The following JAK3 variants were observed in gnomAD, a reference collection of about 807,000 sequenced individuals.
JAK3 encodes the protein tyrosine-protein kinase JAK3.
JAK3 carries 88 observed loss-of-function variants against 120.8 expected under a neutral mutation model. The observed-to-expected ratio is 0.73, with a 90% CI of 0.61 to 0.87. The LOEUF (loss-of-function observed/expected upper bound fraction) is 0.87, where lower values mean the gene tolerates loss of function less well. Ranked by LOEUF, JAK3 falls within the 40% of genes least tolerant of loss-of-function variation. The pLI is 0.00. For synonymous variants in JAK3, 592 were observed against 628.6 expected, an observed-to-expected ratio of 0.94 and a Z score of 0.87; for missense variants, 1,254 against 1,501.4, an observed-to-expected ratio of 0.84 and a Z score of 2.72.
At chr19:17,839,960 CGATCTCTT>C (rs1381665390) in intron 9 of JAK3, among the ~76,000 whole-genome samples, 8 of 151,998 alleles carry the variant, frequency 5.3e-5, no homozygotes, top group Non-Finnish European at 5.9e-5. Flanking sequence ...AGGATGGTTT[CGATCTCTT>C]GATCTCTTGA....
At position 17,827,717 on chromosome 19, in the gene JAK3, T is replaced by TAAAAAAAA. The variant is rs760856974; in HGVS notation, c.3208-815_3208-808dup. Among the ~76,000 whole-genome samples, 35 of 77,678 alleles carry TAAAAAAAA rather than the reference T, an allele frequency of 4.5e-4. 1 individual carries two copies. Among genetic ancestry groups the TAAAAAAAA allele is most frequent in the South Asian group, 8.8e-4 (2 of 2,278 alleles). The allele number at this position is 77,678 out of a possible 152,430, so 51.0% of individuals were successfully genotyped here. ...CAACATGGAGAAACCCCATCTTAAC[T>TAAAAAAAA]AAAAAAAAAAAAAAAAAAAAAAAAA... On this transcript the variant is annotated intron_variant, in intron 23 of 23. Coordinates refer to ENST00000458235, the MANE Select transcript of JAK3 (RefSeq NM_000215.4).
chr19:17,826,674 G>A lies in JAK3; in HGVS notation c.*69C>T. On this transcript the variant is annotated 3_prime_UTR_variant, in exon 24 of 24. Transcript: ENST00000458235. ...CATAAGGCCTCTGAGGCCCAGAGAG[G>A]GGCAGCTCCGGGCCTAAGGTCACAC... 6.4e-7 allele frequency: 1 copy of A among 1,565,414 alleles called. No homozygotes were observed. Among genetic ancestry groups the A allele is most frequent in the Non-Finnish European group, 8.8e-7 (1 of 1,135,950 alleles).
In JAK3 at chr19:17,834,961, C is replaced by G. The variant is rs200849846; in HGVS notation, c.2090G>C (p.Arg697Pro). The G allele has an allele frequency of 6.2e-7, 1 of 1,614,154 alleles. No individual in the cohort carries two copies. The highest frequency in any genetic ancestry group is 1.3e-5 in the African/African-American group (1 of 75,038). Reference sequence around the variant, plus strand: ...TTCCAAGCTAAGTGTCTGCGCCTCCCGGAGACACTCGGGGGCCACCCAGGG... The same window carrying G: ...TTCCAAGCTAAGTGTCTGCGCCTCCGGGAGACACTCGGGGGCCACCCAGGG... ...RIPWVAPECL[R>P]EAQTLSLEAD... is the part of the protein sequence containing the mutation. Residue 697 changes from arginine (R) to proline (P), a missense_variant, in exon 16 of 24, where the codon CGG becomes CCG. Transcript: ENST00000458235.
intron 23 of JAK3, chr19:17,829,776 A>G (rs895554544): frequency 1.3e-5 from 6 of 459,754 alleles, no homozygotes; most frequent in African/African-American, 9.8e-5. Context: ...AGAAAGAAAA[A>G]AAAAAACCAT....
Position 17,843,406 on chromosome 19 carries a change from G to A in JAK3, c.394C>T (p.Pro132Ser). 6.3e-7 allele frequency: 1 copy of A among 1,595,600 alleles called. No individual in the cohort carries two copies. The highest frequency in any genetic ancestry group is 8.5e-7 in the Non-Finnish European group (1 of 1,171,458). The part of the protein sequence containing the change: ...KDLASAILDL[P>S]VLEHLFAQHR... Reference sequence around the variant, plus strand: ...TGGGCAAAGAGGTGCTCCAGGACTGGCAGGTCAAGGATAGCACTGGCCAAA... The same window carrying A: ...TGGGCAAAGAGGTGCTCCAGGACTGACAGGTCAAGGATAGCACTGGCCAAA... The change falls in exon 4 of 24, where the codon CCA (proline) becomes TCA (serine). Residue 132 changes from proline (P) to serine (S), a missense_variant. Physicochemically the swap from Pro to Ser is moderately conservative, Grantham distance 74 (BLOSUM62 -1). Transcript: ENST00000458235. The surrounding 1 kb of genome is among the most constrained non-coding windows in gnomAD (Gnocchi z 5.4).
At chr19:17,839,998 C>A (rs1338956987) in intron 9 of JAK3, among the ~76,000 whole-genome samples, 1 of 152,184 alleles carries the variant, frequency 6.6e-6, no homozygotes, top group East Asian at 1.9e-4. Flanking sequence ...CTCAGCCTCC[C>A]AAAGTGCTGG....
intron 23 of JAK3, among the ~76,000 whole-genome samples, chr19:17,828,369 C>A (rs1232590568): frequency 5.3e-5 from 8 of 152,192 alleles, no homozygotes; most frequent in African/African-American, 1.9e-4. Context: ...AATCCTCCTG[C>A]CTCAGCCTCC....
At position 17,841,499 on chromosome 19, in the gene JAK3, G is replaced by C; in HGVS notation, c.1032C>G (p.Leu344=). The C allele has an allele frequency of 6.4e-7, 1 of 1,573,510 alleles. No homozygotes were observed. Among genetic ancestry groups the C allele is most frequent in the South Asian group, 1.2e-5 (1 of 86,674 alleles). Residue 344 remains leucine (L), a synonymous_variant, in exon 8 of 24, where the codon CTC becomes CTG. Coordinates refer to ENST00000458235, the MANE Select transcript of JAK3 (RefSeq NM_000215.4). The surrounding 1 kb of genome is among the most constrained non-coding windows in gnomAD (Gnocchi z 4.1). Reference sequence around the variant, plus strand: ...TGGTCAGCCGGAAGTAGCCGTCCACGAGCGCCACGAACGACAGAGCCTCGG... The same window carrying C: ...TGGTCAGCCGGAAGTAGCCGTCCACCAGCGCCACGAACGACAGAGCCTCGG... ...GLPEALSFVA[L]VDGYFRLTTD...
rs958950984 is a variant in JAK3 at position 17,825,236 on chromosome 19, C to T, written c.*1507G>A. The stretch of plus-strand genomic sequence containing the variant: ...CATGGAAGGGGCAAAACTGTAGGCT[C>T]CAATACTTGGGCTCTTAACCTCCTT... On this transcript the variant is annotated 3_prime_UTR_variant, in exon 24 of 24. Coordinates refer to ENST00000458235, the MANE Select transcript of JAK3 (RefSeq NM_000215.4). 1 of 229,708 alleles carries T rather than the reference C, an allele frequency of 4.4e-6. No homozygotes were observed. The allele number at this position is 229,708 out of a possible 1,614,324, so 14.2% of individuals were successfully genotyped here.
chr19:17,830,438 T>G, intron 22 of JAK3, 65 bp downstream of exon 22: 1 of 1,295,528 alleles, frequency 7.7e-7, no homozygotes, highest in Non-Finnish European at 1.1e-6. Flanking sequence ...CGCAGACAGG[T>G]TGGAGATTGG....
At chr19:17,847,295 G>T (rs531666840) in intron 1 of JAK3, among the ~76,000 whole-genome samples, 10 of 152,182 alleles carry the variant, frequency 6.6e-5, no homozygotes, top group African/African-American at 2.4e-4. Context: ...GAGGCCAGGG[G>T]TTAGAGACCT....
Position 17,842,303 on chromosome 19 carries a change from A to G in JAK3, c.861+13T>C, listed in dbSNP as rs1599878867. ...CCACGTTGGCCCCGCCCAGCGGGGG[A>G]GTCCGCCCTCACCTCCTGTTCTCCC... is the stretch of plus-strand genomic sequence containing the variant. On this transcript the variant is annotated intron_variant, in intron 6 of 23. Coordinates refer to ENST00000458235, the MANE Select transcript of JAK3 (RefSeq NM_000215.4). This position sits in a 1 kb window ranked among gnomAD's most constrained non-coding sequence, Gnocchi z 6.4. 1 of 1,269,852 alleles carries G rather than the reference A, an allele frequency of 7.9e-7. No homozygotes were observed. Among genetic ancestry groups the G allele is most frequent in the Non-Finnish European group, 1.0e-6 (1 of 956,126 alleles). The allele number at this position is 1,269,852 out of a possible 1,614,324, so 78.7% of individuals were successfully genotyped here.
At chr19:17,834,490 G>T in intron 17 of JAK3, 81 bp downstream of exon 17, 2 of 1,525,128 alleles carry the variant, frequency 1.3e-6, no homozygotes, top group Non-Finnish European at 1.8e-6. Context: ...CACAGGGCGT[G>T]GCCTGCTGCA....
Position 17,835,135 on chromosome 19 carries a change from G to A in JAK3, c.1995C>T (p.Pro665=), listed in dbSNP as rs3212768. The change falls in exon 15 of 24, where the codon CCC becomes CCT. Residue 665 remains proline (P), a synonymous_variant. Coordinates refer to ENST00000458235, the MANE Select transcript of JAK3 (RefSeq NM_000215.4). ...CCCCAGGGTCACTCAGCTTGATGAA[G>A]GGCGGGCTCCCATCAGCCCCCTCCC... ...LAREGADGSP[P]FIKLSDPGVS... is the part of the protein sequence containing the mutation. 1.8e-4 allele frequency: 291 copies of A among 1,614,208 alleles called. 1 individual carries two copies. The African/African-American group carries it at 3.5e-3, about 20-fold the overall frequency.
intron 14 of JAK3, among the ~76,000 whole-genome samples, chr19:17,835,653 G>A (rs889479901): frequency 6.6e-6 from 1 of 152,130 alleles, no homozygotes. Context: ...TTCTCTTGAT[G>A]AACTTCTACT....
chr19:17,843,745 A>G lies in JAK3; in HGVS notation c.308+32T>C. On this transcript the variant is annotated intron_variant, in intron 3 of 23. Coordinates refer to ENST00000458235, the MANE Select transcript of JAK3 (RefSeq NM_000215.4). The surrounding 1 kb of genome is among the most constrained non-coding windows in gnomAD (Gnocchi z 5.4). ...AAATGCAAGGAGATGATAAAATTGT[A>G]CAATCCCTGGGGGCTGGGGGGCACT... 1 of 1,612,422 alleles carries G rather than the reference A, an allele frequency of 6.2e-7. No homozygotes were observed. The highest frequency in any genetic ancestry group is 8.5e-7 in the Non-Finnish European group (1 of 1,179,568).
rs1338266917 is a variant in JAK3 at position 17,825,602 on chromosome 19, C to T, written c.*1141G>A. Reference sequence around the variant, plus strand: ...ATCGGGGAGCAGAAGTCAGATCATACATTTAAAGCTACATGAGGGCCGGGC... The same window carrying T: ...ATCGGGGAGCAGAAGTCAGATCATATATTTAAAGCTACATGAGGGCCGGGC... On this transcript the variant is annotated 3_prime_UTR_variant, in exon 24 of 24. Coordinates refer to ENST00000458235, the MANE Select transcript of JAK3 (RefSeq NM_000215.4). 1 of 186,272 alleles carries T rather than the reference C, an allele frequency of 5.4e-6. No individual in the cohort carries two copies. The highest frequency in any genetic ancestry group is 2.3e-5 in the African/African-American group (1 of 42,620). The allele number at this position is 186,272 out of a possible 1,614,324, so 11.5% of individuals were successfully genotyped here.
Position 17,832,600 on chromosome 19 carries a change from C to A in JAK3, c.2599G>T (p.Asp867Tyr), listed in dbSNP as rs1213477299. 6.2e-7 allele frequency: 1 copy of A among 1,614,124 alleles called. No homozygotes were observed. Among genetic ancestry groups the A allele is most frequent in the Non-Finnish European group, 8.5e-7 (1 of 1,180,062 alleles). The change falls in exon 19 of 24, where the codon GAC (aspartate) becomes TAC (tyrosine). Residue 867 changes from aspartate to tyrosine, a missense_variant. By Grantham distance (160) the Asp-to-Tyr change is radical (BLOSUM62 -3). Transcript: ENST00000458235. The surrounding 1 kb of genome is among the most constrained non-coding windows in gnomAD (Gnocchi z 4.7). ...AGGATCTGAATCTCCCGCTGAAAGTCCCTCTGCTGGTCTGGCCCGCTGTGC... is the reference window on the plus strand; with the variant it reads ...AGGATCTGAATCTCCCGCTGAAAGTACCTCTGCTGGTCTGGCCCGCTGTGC... The part of the protein sequence containing the change: ...LQHSGPDQQR[D>Y]FQREIQILKA...
rs1023424272 is a variant in JAK3 at position 17,842,649 on chromosome 19, C to G, written c.567-39G>C. ...AGGGGAGGGAGCCGGCCCTCAGCGT[C>G]GGGAGGGGTCCCCGCGGGGACACAC... On this transcript the variant is annotated intron_variant, in intron 5 of 23. Coordinates refer to ENST00000458235, the MANE Select transcript of JAK3 (RefSeq NM_000215.4). This position sits in a 1 kb window ranked among gnomAD's most constrained non-coding sequence, Gnocchi z 6.4. The G allele has an allele frequency of 8.6e-6, 13 of 1,511,544 alleles. No individual in the cohort carries two copies. In the African/African-American group the frequency reaches 9.7e-5, roughly 11 times the overall value. The allele number at this position is 1,511,544 out of a possible 1,614,324, so 93.6% of individuals were successfully genotyped here.
Sources: gnomAD v4.1 joint callset for allele counts (sites outside exome capture counted in the v4.1 genomes callset) on GRCh38, gnomAD v4.1.1 for gene constraint, Gnocchi (gnomAD v3.1) non-coding constraint, MANE v1.5 for transcripts, NCBI Gene and HGNC (gene_info 2026-07-23, HGNC 2026-07-21) for gene names.